Variants in SLC25A40 observed in about 807,000 individuals in gnomAD.
SLC25A40 encodes solute carrier family 25 member 40.
Under a neutral mutation model 46.5 loss-of-function variants are expected in SLC25A40, and 41 were observed. The ratio of observed to expected loss-of-function variants is 0.88; its 90% CI spans 0.69 to 1.14. The LOEUF is 1.14. SLC25A40 is among the 50% of genes most tolerant of loss of function. The probability of loss-of-function intolerance (pLI) is 0.00; values close to 1 mark genes in which losing one functional copy is unlikely to be tolerated. For missense variants in SLC25A40, 386 were observed against 393.6 expected, an observed-to-expected ratio of 0.98 and a Z score of 0.16; for synonymous variants, 126 against 127.5, an observed-to-expected ratio of 0.99 and a Z score of 0.08.
chr7:87,842,039 T>C, intron 9 of SLC25A40: 1 of 378,856 alleles, frequency 2.6e-6, no homozygotes, highest in Non-Finnish European at 5.4e-6. Flanking sequence ...TGTTCTATTA[T>C]TCCTTTACAT....
intron 8 of SLC25A40, 42 bp downstream of exon 8, chr7:87,846,907 A>G: frequency 6.6e-7 from 1 of 1,513,700 alleles, no homozygotes; most frequent in Non-Finnish European, 8.9e-7. Flanking sequence ...AATGAGACAA[A>G]GCCATGTAAA....
At chr7:87,875,794 G>T (rs1339764091) in intron 1 of SLC25A40, among the ~76,000 whole-genome samples, 1 of 152,250 alleles carries the variant, frequency 6.6e-6, no homozygotes. Flanking sequence ...GGCGTTCTGC[G>T]GTGGCGCTGC....
At chr7:87,865,596 C>A (rs1332093639) in intron 1 of SLC25A40, among the ~76,000 whole-genome samples, 1 of 152,058 alleles carries the variant, frequency 6.6e-6, no homozygotes, top group Non-Finnish European at 1.5e-5. Flanking sequence ...GAGGGCGAAA[C>A]CCCAACTCCG....
chr7:87,850,636 C>T lies in SLC25A40; in HGVS notation c.265-688G>A, dbSNP rs532190370. Among the ~76,000 whole-genome samples the T allele has an allele frequency of 2.9e-3, 439 of 151,966 alleles. 3 individuals carry two copies. The highest frequency in any genetic ancestry group is 9.8e-3 in the African/African-American group (406 of 41,452). On this transcript the variant is annotated intron_variant, in intron 5 of 11. Coordinates refer to ENST00000341119, the MANE Select transcript of SLC25A40 (RefSeq NM_018843.4). ...CTAAAAAATTTGCTGGGCATGGTGA[C>T]GCACTCCTGTGGTCCCAGCTACTTG...
At chr7:87,875,919 G>C (rs1250915878) in intron 1 of SLC25A40, among the ~76,000 whole-genome samples, 177 bp downstream of exon 1, 2 of 152,302 alleles carry the variant, frequency 1.3e-5, no homozygotes, top group Non-Finnish European at 2.9e-5. Flanking sequence ...CAGTGACCGC[G>C]GGAAAACCCC....
intron 1 of SLC25A40, among the ~76,000 whole-genome samples, chr7:87,875,711 C>G (rs1056314867): frequency 6.6e-6 from 1 of 152,152 alleles, no homozygotes; most frequent in Admixed American, 6.5e-5. Flanking sequence ...TAAAAGAAAA[C>G]AGGTCTGAAT....
intron 1 of SLC25A40, among the ~76,000 whole-genome samples, chr7:87,862,019 TG>T (rs1838706975): frequency 6.6e-6 from 1 of 151,758 alleles, no homozygotes; most frequent in Non-Finnish European, 1.5e-5. Flanking sequence ...ACAAAAATAA[TG>T]AAAAAAAAGG....
chr7:87,844,344 C>G (rs572144119), intron 8 of SLC25A40, among the ~76,000 whole-genome samples: 23 of 152,092 alleles, frequency 1.5e-4, no homozygotes, highest in African/African-American at 5.5e-4. Flanking sequence ...AATGAAAAAG[C>G]ATCTGATAAA....
rs547281336 is a variant in SLC25A40, at chr7:87,856,163, A to G, written c.157+129T>C. ...TCACGTACAACTAAATGGTGAAAAAAAAAGTTTTTCATGAGGATAAAGAGG... is the reference window on the plus strand; with the variant it reads ...TCACGTACAACTAAATGGTGAAAAAGAAAGTTTTTCATGAGGATAAAGAGG... On this transcript the variant is annotated intron_variant, in intron 4 of 11. Transcript: ENST00000341119. The G allele has an allele frequency of 1.3e-4, 98 of 773,060 alleles. No individual in the cohort carries two copies. The Admixed American group carries it at 2.0e-3, about 16-fold the overall frequency. The allele number at this position is 773,060 out of a possible 1,614,324, so 47.9% of individuals were successfully genotyped here. A position where few individuals can be genotyped will look rare whatever the true frequency, so the allele number is the denominator to read the frequency against.
Position 87,876,345 on chromosome 7 carries a change from G to A in SLC25A40, c.-343C>T, listed in dbSNP as rs904986672. On this transcript the variant is annotated 5_prime_UTR_variant, in exon 1 of 12. Coordinates refer to ENST00000341119, the MANE Select transcript of SLC25A40 (RefSeq NM_018843.4). ...GAAACACAACCTGCAGGGCCAGAGC[G>A]AGGCGCGAGAAGGACGGCGGCGTGA... The A allele has an allele frequency of 1.6e-5, 3 of 186,266 alleles. No homozygotes were observed. The highest frequency in any genetic ancestry group is 3.3e-5 in the Non-Finnish European group (3 of 91,720). 11.5% of individuals were successfully genotyped at this position (186,266 alleles called of 1,614,324 possible).
chr7:87,844,081 T>C (rs929025887), intron 8 of SLC25A40: 1 of 718,922 alleles, frequency 1.4e-6, no homozygotes, highest in African/African-American at 1.9e-5. Flanking sequence ...TATGCATCAA[T>C]AAAGTAGGAC....
At chr7:87,845,234 C>T (rs1838395417) in intron 8 of SLC25A40, among the ~76,000 whole-genome samples, 3 of 151,732 alleles carry the variant, frequency 2.0e-5, no homozygotes, top group South Asian at 4.1e-4. Context: ...ATGACAGAGA[C>T]GACACTGCAG....
intron 8 of SLC25A40, among the ~76,000 whole-genome samples, chr7:87,845,905 C>A (rs1430288571): frequency 6.6e-6 from 1 of 151,958 alleles, no homozygotes. Flanking sequence ...GTATGTAGAT[C>A]ATACAATCAC....
At position 87,842,424 on chromosome 7, in the gene SLC25A40, G is replaced by A. The variant is rs935141898; in HGVS notation, c.742-710C>T. ...AATATTTGATACAACAGCCATGCAAGGTTAAAACTGGTATGCATTTTTGCT... is the reference window on the plus strand; with the variant it reads ...AATATTTGATACAACAGCCATGCAAAGTTAAAACTGGTATGCATTTTTGCT... On this transcript the variant is annotated intron_variant, in intron 9 of 11. Coordinates refer to ENST00000341119, the MANE Select transcript of SLC25A40 (RefSeq NM_018843.4). Among the ~76,000 whole-genome samples the A allele has an allele frequency of 2.0e-5, 3 of 151,926 alleles. No individual in the cohort carries two copies. In the East Asian group the frequency reaches 5.8e-4, roughly 29 times the overall value.
rs765045945 is a variant in SLC25A40, at chr7:87,834,399, A to G, written c.*1850T>C. 1.3e-5 allele frequency: 2 copies of G among 151,698 alleles called. No homozygotes were observed. Among genetic ancestry groups the G allele is most frequent in the Non-Finnish European group, 3.0e-5 (2 of 67,778 alleles). 9.4% of individuals were successfully genotyped at this position (151,698 alleles called of 1,614,324 possible). On this transcript the variant is annotated 3_prime_UTR_variant, in exon 12 of 12. Transcript: ENST00000341119. ...TTGTTAGTATATTTTAAAAGTATTA[A>G]TATTTCTTTTTACCTCTTAAATATA... is the stretch of plus-strand genomic sequence containing the variant.
Position 87,848,501 on chromosome 7 carries a change from T to C in SLC25A40, c.333-524A>G, listed in dbSNP as rs117505162. 4.0e-3 allele frequency among the ~76,000 whole-genome samples: 607 copies of C among 152,354 alleles called. 2 individuals carry two copies. The highest frequency in any genetic ancestry group is 6.6e-3 in the Non-Finnish European group (452 of 68,024). On this transcript the variant is annotated intron_variant, in intron 6 of 11. Coordinates refer to ENST00000341119, the MANE Select transcript of SLC25A40 (RefSeq NM_018843.4). ...TCTGTTTCTGGTCTCCCAGATCTTC[T>C]TTCTCATTCATAATTACCATAACAT...
At chr7:87,848,087 A>G (rs1163921393) in intron 6 of SLC25A40, 110 bp from the exon 7 acceptor site, 2 of 1,278,418 alleles carry the variant, frequency 1.6e-6, no homozygotes, top group African/African-American at 3.1e-5. Context: ...TATTTTGTGT[A>G]AGCTAAAAAC....
chr7:87,841,668 T>C lies in SLC25A40; in HGVS notation c.788A>G (p.Lys263Arg). The change falls in exon 10 of 12, where the codon AAG becomes AGG. Residue 263 changes from lysine to arginine, a missense_variant. By Grantham distance (26) the Lys-to-Arg change is conservative. Coordinates refer to ENST00000341119, the MANE Select transcript of SLC25A40 (RefSeq NM_018843.4). ...TTCATATGTCCAAAGTTGTGTCTGC[T>C]TTTGTGTTTTTACTACATCAAATGG... ...TLPFDVVKTQ[K>R]QTQLWTYESH... 6.5e-7 allele frequency: 1 copy of C among 1,530,160 alleles called. No homozygotes were observed. Among genetic ancestry groups the C allele is most frequent in the East Asian group, 2.4e-5 (1 of 41,184 alleles). The allele number at this position is 1,530,160 out of a possible 1,614,324, so 94.8% of individuals were successfully genotyped here.
In SLC25A40 at chr7:87,849,963, G is replaced by GA. The variant is rs1838484098; in HGVS notation, c.265-16dup. 1 of 1,506,694 alleles carries GA rather than the reference G, an allele frequency of 6.6e-7. No individual in the cohort carries two copies. Among genetic ancestry groups the GA allele is most frequent in the Admixed American group, 1.9e-5 (1 of 51,658 alleles). 93.3% of individuals were successfully genotyped at this position (1,506,694 alleles called of 1,614,324 possible). On this transcript the variant is annotated splice_polypyrimidine_tract_variant and intron_variant, in intron 5 of 11. Transcript: ENST00000341119. ...AAAAATGCATCCTAAAGTTATAATA[G>GA]AAAAAAAGTAATCAAAATATATCTT... is the stretch of plus-strand genomic sequence containing the variant.
Sources: allele counts gnomAD v4.1 joint callset (sites outside exome capture counted in the v4.1 genomes callset), GRCh38; gene constraint gnomAD v4.1.1; transcripts MANE v1.5; gene names NCBI Gene and HGNC (gene_info 2026-07-23, HGNC 2026-07-21).